THSD7B: variants seen among roughly 807,000 people sequenced by gnomAD.
THSD7B encodes thrombospondin type 1 domain containing 7B.
In THSD7B, 138 loss-of-function variants were observed where a neutral mutation model predicts 213.6. The observed-to-expected ratio is 0.65, with a 90% confidence interval of 0.56 to 0.74. The LOEUF (loss-of-function observed/expected upper bound fraction) is 0.74. Ranked by LOEUF, THSD7B falls within the 30% of genes least tolerant of loss-of-function variation. The pLI is 0.00. For missense variants in THSD7B, 1,931 were observed against 1,991.5 expected, an observed-to-expected ratio of 0.97 and a Z score of 0.58; for synonymous variants, 742 against 687.0, an observed-to-expected ratio of 1.08 and a Z score of -1.25.
At chr2:137,625,807 G>T (rs924044911) in intron 20 of THSD7B, among the ~76,000 whole-genome samples, 1 of 152,192 alleles carries the variant, frequency 6.6e-6, no homozygotes, top group Admixed American at 6.5e-5. Flanking sequence ...GCTTTGCCAC[G>T]GTGGAAACTC....
chr2:136,916,447 T>C (rs1045118341), intron 2 of THSD7B, among the ~76,000 whole-genome samples: 1 of 152,170 alleles, frequency 6.6e-6, no homozygotes, highest in African/African-American at 2.4e-5. Context: ...CCACCAGCAA[T>C]GCAAAGGAGG....
At chr2:137,639,820 A>C (rs1415837722) in intron 20 of THSD7B, among the ~76,000 whole-genome samples, 1 of 152,158 alleles carries the variant, frequency 6.6e-6, no homozygotes. Context: ...TATTTTTGCC[A>C]AGTTCTCCCA....
At chr2:137,425,645 G>GA (rs1558793296) in intron 14 of THSD7B, among the ~76,000 whole-genome samples, 1 of 152,146 alleles carries the variant, frequency 6.6e-6, no homozygotes, top group Non-Finnish European at 1.5e-5. Flanking sequence ...ATCCCCTGTA[G>GA]AATACCCTGT....
At chr2:136,979,875 A>G (rs1342016893) in intron 2 of THSD7B, among the ~76,000 whole-genome samples, 2 of 151,898 alleles carry the variant, frequency 1.3e-5, no homozygotes, top group Non-Finnish European at 1.5e-5. Flanking sequence ...GCGTGTTTGC[A>G]TTGATTTTTT....
At chr2:137,544,105 ACTT>A (rs1171168276) in intron 15 of THSD7B, among the ~76,000 whole-genome samples, 1 of 151,740 alleles carries the variant, frequency 6.6e-6, no homozygotes, top group Non-Finnish European at 1.5e-5. Flanking sequence ...CAGCAATTCT[ACTT>A]CTAGGTATAT....
At chr2:137,572,296 G>A (rs1573716993) in intron 16 of THSD7B, 110 bp from the exon 17 acceptor site, 2 of 1,328,952 alleles carry the variant, frequency 1.5e-6, no homozygotes, top group Non-Finnish European at 2.1e-6. Flanking sequence ...TTCTGTGCTG[G>A]TCTTATGTTA....
chr2:137,130,728 A>C (rs1355350828), intron 5 of THSD7B, among the ~76,000 whole-genome samples: 1 of 148,466 alleles, frequency 6.7e-6, no homozygotes, highest in Non-Finnish European at 1.5e-5. Flanking sequence ...TTATGGCTGC[A>C]TAGTATTCCA....
At chr2:137,233,666 G>A (rs1417540994) in intron 9 of THSD7B, among the ~76,000 whole-genome samples, 1 of 152,156 alleles carries the variant, frequency 6.6e-6, no homozygotes, top group Admixed American at 6.5e-5. Flanking sequence ...ACTTTTTAAA[G>A]AGAGTAGCAA....
Position 137,294,583 on chromosome 2 carries a change from C to CAAAAAAAAAAAAAAAAAAAAAAAAAA in THSD7B, c.2500+18578_2500+18579insAAAAAAAAAAAAAAAAAAAAAAAAAA, listed in dbSNP as rs1210363889. Reference sequence around the variant, plus strand: ...GGGTGAAAAGAGTGAAACTCCATCTCAAAAAAAAAAAAAAAAAAAAAGAAA... The same window carrying CAAAAAAAAAAAAAAAAAAAAAAAAAA: ...GGGTGAAAAGAGTGAAACTCCATCTCAAAAAAAAAAAAAAAAAAAAAAAAAAAAAAAAAAAAAAAAAAAAAAAGAAA... On this transcript the variant is annotated intron_variant, in intron 12 of 27. Coordinates refer to ENST00000409968, the MANE Select transcript of THSD7B (RefSeq NM_001316349.2). 1.3e-3 allele frequency among the ~76,000 whole-genome samples: 94 copies of CAAAAAAAAAAAAAAAAAAAAAAAAAA among 73,222 alleles called. 2 individuals carry two copies. Among genetic ancestry groups the CAAAAAAAAAAAAAAAAAAAAAAAAAA allele is most frequent in the Middle Eastern group, 9.3e-3 (1 of 108 alleles). 48.0% of individuals were successfully genotyped at this position (73,222 alleles called of 152,430 possible).
At chr2:136,980,473 AC>A (rs2104807212) in intron 2 of THSD7B, among the ~76,000 whole-genome samples, 1 of 152,106 alleles carries the variant, frequency 6.6e-6, no homozygotes, top group African/African-American at 2.4e-5. Flanking sequence ...GGGAGGCCCC[AC>A]CCCATGAGGA....
At chr2:137,168,413 C>T (rs574883614) in intron 6 of THSD7B, among the ~76,000 whole-genome samples, 9 of 152,200 alleles carry the variant, frequency 5.9e-5, no homozygotes, top group South Asian at 4.2e-4. Flanking sequence ...GCATGAACAG[C>T]GATGTGTGAT....
intron 15 of THSD7B, among the ~76,000 whole-genome samples, chr2:137,547,185 T>G (rs1236968007): frequency 6.6e-6 from 1 of 152,046 alleles, no homozygotes; most frequent in Non-Finnish European, 1.5e-5. Flanking sequence ...ATCCAATCAA[T>G]TTTGCTTCTC....
At chr2:137,109,358 T>G (rs1688307312) in intron 4 of THSD7B, among the ~76,000 whole-genome samples, 1 of 152,148 alleles carries the variant, frequency 6.6e-6, no homozygotes, top group Non-Finnish European at 1.5e-5. Context: ...CAGTGACCAG[T>G]TTTGTGGAAG....
chr2:137,326,733 G>C (rs1308807943), intron 12 of THSD7B, among the ~76,000 whole-genome samples: 1 of 152,180 alleles, frequency 6.6e-6, no homozygotes, highest in Non-Finnish European at 1.5e-5. Flanking sequence ...ATGCTGGAAT[G>C]AACAGTTTTG....
chr2:136,949,691 T>G (rs1478585131), intron 2 of THSD7B, among the ~76,000 whole-genome samples: 1 of 152,106 alleles, frequency 6.6e-6, no homozygotes, highest in Non-Finnish European at 1.5e-5. Flanking sequence ...AAAAATACCA[T>G]ACAAGGGGCA....
chr2:137,622,917 C>T (rs949415779), intron 20 of THSD7B, among the ~76,000 whole-genome samples: 1 of 152,204 alleles, frequency 6.6e-6, no homozygotes, highest in Non-Finnish European at 1.5e-5. Flanking sequence ...GAGCTGGTAC[C>T]ATTCCTTCTG....
intron 15 of THSD7B, among the ~76,000 whole-genome samples, chr2:137,554,634 T>C (rs553747840): frequency 1.3e-5 from 2 of 152,238 alleles, no homozygotes; most frequent in African/African-American, 4.8e-5. Context: ...ATGCAGAGGT[T>C]GGGTGATTTC....
At chr2:136,978,711 C>T (rs1436034638) in intron 2 of THSD7B, among the ~76,000 whole-genome samples, 2 of 152,106 alleles carry the variant, frequency 1.3e-5, no homozygotes, top group African/African-American at 4.8e-5. Context: ...TTGAATATAG[C>T]ACACTGATGG....
At position 137,527,527 on chromosome 2, in the gene THSD7B, G is replaced by T. The variant is rs181911424; in HGVS notation, c.3139-35694G>T. On this transcript the variant is annotated intron_variant, in intron 15 of 27. Coordinates refer to ENST00000409968, the MANE Select transcript of THSD7B (RefSeq NM_001316349.2). ...AACATTGTGGTTATTTGCTAGCATT[G>T]CTCCCTCCATTTTGAAACTCCTTTT... 3.3e-5 allele frequency among the ~76,000 whole-genome samples: 5 copies of T among 152,082 alleles called. No individual in the cohort carries two copies. The East Asian group carries it at 9.7e-4, about 30-fold the overall frequency.
Sources: allele counts gnomAD v4.1 joint callset (sites outside exome capture counted in the v4.1 genomes callset), GRCh38; gene constraint gnomAD v4.1.1; transcripts MANE v1.5; gene names NCBI Gene and HGNC (gene_info 2026-07-23, HGNC 2026-07-21).